The following GRID2 variants were observed in gnomAD, a reference collection of about 807,000 sequenced individuals.
GRID2 encodes glutamate receptor ionotropic, delta-2.
Under a neutral mutation model 114.8 loss-of-function variants are expected in GRID2, and 33 were observed. The ratio of observed to expected loss-of-function variants is 0.29; its 90% confidence interval spans 0.22 to 0.38. GRID2 has a LOEUF of 0.38. GRID2 is among the 10% of genes least tolerant of loss of function. The probability of loss-of-function intolerance (pLI) is 1.00; values close to 1 mark genes in which losing one functional copy is unlikely to be tolerated. For synonymous variants in GRID2, 505 were observed against 449.9 expected (o/e 1.12, Z -1.55); for missense variants, 1,184 against 1,257.7 (o/e 0.94, Z 0.89).
intron 13 of GRID2, among the ~76,000 whole-genome samples, chr4:93,622,350 A>C (rs539212163): frequency 1.3e-5 from 2 of 152,172 alleles, no homozygotes; most frequent in Admixed American, 6.5e-5. Flanking sequence ...GTTTCCGATG[A>C]TATTACTCAT....
chr4:93,500,168 G>T (rs1580258248), intron 12 of GRID2, among the ~76,000 whole-genome samples: 1 of 151,876 alleles, frequency 6.6e-6, no homozygotes. Flanking sequence ...ATCTGCATTC[G>T]AATTCTTTGC....
intron 2 of GRID2, among the ~76,000 whole-genome samples, chr4:92,699,055 C>T (rs1415660303): frequency 1.3e-5 from 2 of 151,916 alleles, no homozygotes; most frequent in African/African-American, 4.8e-5. Flanking sequence ...TTTATTATAG[C>T]CTCAAAGCAC....
At chr4:92,950,723 T>A (rs1477732160) in intron 2 of GRID2, among the ~76,000 whole-genome samples, 1 of 152,182 alleles carries the variant, frequency 6.6e-6, no homozygotes, top group Non-Finnish European at 1.5e-5. Context: ...TTACTTTCCA[T>A]TATTTATATA....
intron 2 of GRID2, among the ~76,000 whole-genome samples, chr4:92,962,957 A>G (rs1035833262): frequency 6.6e-6 from 1 of 152,026 alleles, no homozygotes; most frequent in African/African-American, 2.4e-5. Flanking sequence ...GAATACTGCA[A>G]TAAAGCAAGC....
intron 2 of GRID2, among the ~76,000 whole-genome samples, chr4:92,599,747 C>A (rs1203355259): frequency 6.6e-6 from 1 of 151,854 alleles, no homozygotes; most frequent in Non-Finnish European, 1.5e-5. Context: ...ATATTCCAGG[C>A]CATGCACCGT....
At chr4:93,447,196 T>A (rs924641202) in intron 10 of GRID2, among the ~76,000 whole-genome samples, 1 of 151,924 alleles carries the variant, frequency 6.6e-6, no homozygotes, top group East Asian at 1.9e-4. Context: ...AAGCACTACA[T>A]GTAAATTGTT....
intron 8 of GRID2, among the ~76,000 whole-genome samples, chr4:93,366,346 C>T (rs530820585): frequency 1.3e-5 from 2 of 152,126 alleles, no homozygotes; most frequent in African/African-American, 4.8e-5. Context: ...ATGGTCATCT[C>T]TTATGGTCGA....
intron 2 of GRID2, among the ~76,000 whole-genome samples, chr4:92,757,852 A>C (rs1737805559): frequency 2.0e-5 from 3 of 151,688 alleles, no homozygotes; most frequent in Admixed American, 6.6e-5. Context: ...GATGTTAAAA[A>C]AAAAAAAGGT....
At chr4:92,588,678 CAAA>C (rs1209254541) in intron 1 of GRID2, among the ~76,000 whole-genome samples, 19,314 of 68,010 alleles carry the variant, frequency 0.28, 795 homozygotes, top group South Asian at 0.35. Flanking sequence ...GACTCCGTCT[CAAA>C]AAAAAAAAAA....
intron 1 of GRID2, among the ~76,000 whole-genome samples, chr4:92,484,578 C>T (rs1439540211): frequency 1.3e-5 from 2 of 151,736 alleles, no homozygotes; most frequent in African/African-American, 4.8e-5. Context: ...TTATGCAAAG[C>T]CAACATAATT....
At chr4:92,410,348 T>C (rs1731236937) in intron 1 of GRID2, among the ~76,000 whole-genome samples, 1 of 152,220 alleles carries the variant, frequency 6.6e-6, no homozygotes, top group South Asian at 2.1e-4. Context: ...TAGCTATTCT[T>C]GCTAAGAACT....
intron 2 of GRID2, among the ~76,000 whole-genome samples, chr4:92,956,006 A>G (rs528022584): frequency 6.6e-6 from 1 of 152,316 alleles, no homozygotes; most frequent in African/African-American, 2.4e-5. Flanking sequence ...GGCATGAGCC[A>G]CTGCGCCTGG....
intron 1 of GRID2, among the ~76,000 whole-genome samples, chr4:92,532,118 G>C (rs1725387105): frequency 6.6e-6 from 1 of 152,174 alleles, no homozygotes; most frequent in East Asian, 1.9e-4. Flanking sequence ...AATTGGGAAT[G>C]AATTCAGTTT....
At chr4:92,461,639 C>T (rs1721500227) in intron 1 of GRID2, among the ~76,000 whole-genome samples, 1 of 151,750 alleles carries the variant, frequency 6.6e-6, no homozygotes, top group African/African-American at 2.4e-5. Context: ...CCTAAACTTA[C>T]CCTAATTATA....
At chr4:92,758,771 G>A (rs1271107780) in intron 2 of GRID2, among the ~76,000 whole-genome samples, 1 of 152,116 alleles carries the variant, frequency 6.6e-6, no homozygotes, top group Admixed American at 6.5e-5. Context: ...TTTAATTAAA[G>A]TATTTCCTCT....
intron 13 of GRID2, among the ~76,000 whole-genome samples, chr4:93,619,568 T>G (rs909584726): frequency 6.6e-6 from 1 of 152,218 alleles, no homozygotes; most frequent in Non-Finnish European, 1.5e-5. Context: ...TCATTTTTAT[T>G]TGATGAGGAA....
intron 2 of GRID2, among the ~76,000 whole-genome samples, chr4:92,740,842 G>A (rs570481644): frequency 1.8e-4 from 28 of 152,186 alleles, no homozygotes; most frequent in African/African-American, 6.3e-4. Flanking sequence ...CGCCTCCTGG[G>A]TTCAAGCCAT....
chr4:92,315,251 A>G (rs762338897), intron 1 of GRID2, among the ~76,000 whole-genome samples: 5 of 152,166 alleles, frequency 3.3e-5, no homozygotes, highest in Non-Finnish European at 7.3e-5. Flanking sequence ...ACATTTCATC[A>G]TATGGAAACA....
At chr4:93,207,340 C>G (rs911184762) in intron 4 of GRID2, 64 bp from the exon 5 acceptor site, 4 of 1,054,158 alleles carry the variant, frequency 3.8e-6, no homozygotes, top group Admixed American at 1.7e-5. Flanking sequence ...AAAGTATATT[C>G]ATTTAGTTGG....
Sources: allele counts gnomAD v4.1 joint callset (sites outside exome capture counted in the v4.1 genomes callset), GRCh38; gene constraint gnomAD v4.1.1; transcripts MANE v1.5; gene names NCBI Gene and HGNC (gene_info 2026-07-23, HGNC 2026-07-21).